Variants in OSTM1 observed in about 807,000 individuals in gnomAD.
OSTM1 encodes the protein osteoclastogenesis associated transmembrane protein 1.
In OSTM1, 26 loss-of-function variants were observed where a neutral mutation model predicts 35.4. The observed-to-expected ratio is 0.73, with a 90% CI of 0.54 to 1.02. The LOEUF is 1.02. Ranked by LOEUF, OSTM1 falls within the 50% of genes least tolerant of loss-of-function variation. OSTM1 has a pLI of 0.00. For synonymous variants in OSTM1, 181 were observed against 165.0 expected (o/e 1.10, Z -0.75); for missense variants, 366 against 409.6 (o/e 0.89, Z 0.92).
At chr6:108,066,958 C>T (rs1772390623) in intron 1 of OSTM1, among the ~76,000 whole-genome samples, 1 of 152,144 alleles carries the variant, frequency 6.6e-6, no homozygotes, top group African/African-American at 2.4e-5. Context: ...TCAAATCTAT[C>T]CTAACTACTT....
chr6:108,057,785 G>A (rs116560660), intron 2 of OSTM1, among the ~76,000 whole-genome samples: 322 of 152,146 alleles, frequency 2.1e-3, no homozygotes, highest in African/African-American at 7.3e-3. Flanking sequence ...TTTCTGAATC[G>A]AAATAACAGA....
chr6:108,059,500 C>A (rs1772235868), intron 2 of OSTM1, among the ~76,000 whole-genome samples: 1 of 152,134 alleles, frequency 6.6e-6, no homozygotes, highest in South Asian at 2.1e-4. Flanking sequence ...GCCTTCCTTT[C>A]ATGAATAATA....
At chr6:108,047,645 T>A (rs532756221) in intron 5 of OSTM1, among the ~76,000 whole-genome samples, 63 of 152,184 alleles carry the variant, frequency 4.1e-4, no homozygotes, top group Non-Finnish European at 6.9e-4. Context: ...TGGGCTAGGG[T>A]TTACCAGTGG....
intron 3 of OSTM1, among the ~76,000 whole-genome samples, chr6:108,053,546 C>A (rs6938614): frequency 0.23 from 35,262 of 152,112 alleles, 4,195 homozygotes; most frequent in Admixed American, 0.26. Flanking sequence ...AGTCTCTCTG[C>A]AACGCCCAGG....
Position 108,064,128 on chromosome 6 carries a change from T to G in OSTM1, c.517+57A>C. ...GATCCCAAAATTCACTAAAATAAAA[T>G]CTGACATCTGTACTACTGAACCATA... is the stretch of plus-strand genomic sequence containing the variant. On this transcript the variant is annotated intron_variant, in intron 2 of 5. Transcript: ENST00000193322. The G allele has an allele frequency of 3.4e-6, 3 of 878,070 alleles. No individual in the cohort carries two copies. The South Asian group carries it at 4.0e-5, about 12-fold the overall frequency. 54.4% of individuals were successfully genotyped at this position (878,070 alleles called of 1,614,324 possible). A position where few individuals can be genotyped will look rare whatever the true frequency, so the allele number is the denominator to read the frequency against.
intron 3 of OSTM1, among the ~76,000 whole-genome samples, chr6:108,051,569 C>A (rs535898455): frequency 6.6e-6 from 1 of 152,272 alleles, no homozygotes; most frequent in East Asian, 1.9e-4. Flanking sequence ...TAAATTATCT[C>A]ATCATCACAA....
chr6:108,046,770 T>A (rs17283933), intron 5 of OSTM1, among the ~76,000 whole-genome samples: 1 of 152,186 alleles, frequency 6.6e-6, no homozygotes, highest in African/African-American at 2.4e-5. Flanking sequence ...AAAATCTACT[T>A]CTTAAGCCTT....
chr6:108,065,907 G>C (rs1252098846), intron 1 of OSTM1, among the ~76,000 whole-genome samples: 1 of 152,216 alleles, frequency 6.6e-6, no homozygotes, highest in African/African-American at 2.4e-5. Context: ...GGTTCAGGAA[G>C]ATATCAATGT....
intron 5 of OSTM1, among the ~76,000 whole-genome samples, chr6:108,047,155 G>A (rs12173470): frequency 0.082 from 12,550 of 152,208 alleles, 950 homozygotes; most frequent in Admixed American, 0.21. Context: ...AAAGAAAGAC[G>A]GCACAGAAGA....
chr6:108,074,200 C>G (rs753811046), intron 1 of OSTM1, 50 bp downstream of exon 1: 4 of 1,589,276 alleles, frequency 2.5e-6, no homozygotes, highest in Non-Finnish European at 3.4e-6. Context: ...ACACCCTCCT[C>G]CTTTCCCAAC....
intron 5 of OSTM1, 100 bp from the exon 6 acceptor site, chr6:108,044,940 A>G (rs1771941200): frequency 3.4e-6 from 2 of 593,096 alleles, no homozygotes; most frequent in East Asian, 3.2e-5. Flanking sequence ...TATTAATTCT[A>G]TGTTTGAATC....
chr6:108,073,889 A>G, intron 1 of OSTM1: 1 of 311,810 alleles, frequency 3.2e-6, no homozygotes, highest in Non-Finnish European at 6.0e-6. Context: ...AACCACTACC[A>G]GTGTCTCCAC....
At chr6:108,048,201 C>A (rs3800220) in intron 5 of OSTM1, among the ~76,000 whole-genome samples, 2 of 152,002 alleles carry the variant, frequency 1.3e-5, no homozygotes, top group African/African-American at 2.4e-5. Context: ...AAGTAGTGAT[C>A]GAAATTTATA....
chr6:108,047,415 C>G (rs1425966341), intron 5 of OSTM1, among the ~76,000 whole-genome samples: 1 of 152,240 alleles, frequency 6.6e-6, no homozygotes, highest in Non-Finnish European at 1.5e-5. Context: ...AGGTCATGTA[C>G]AGCTTGGAGA....
At chr6:108,074,217 G>C (rs1366534260) in intron 1 of OSTM1, 33 bp downstream of exon 1, 2 of 1,607,544 alleles carry the variant, frequency 1.2e-6, no homozygotes, top group South Asian at 2.2e-5. Context: ...CAACTCTCCT[G>C]AGCCACAGTC....
chr6:108,050,027 C>T (rs1348232990), intron 4 of OSTM1, among the ~76,000 whole-genome samples: 1 of 152,060 alleles, frequency 6.6e-6, no homozygotes, highest in African/African-American at 2.4e-5. Flanking sequence ...CATCATAGTG[C>T]CTAAAAAGGC....
At position 108,042,832 on chromosome 6, in the gene OSTM1, T is replaced by C. The variant is rs1256963404; in HGVS notation, c.*1953A>G. 6.6e-6 allele frequency: 1 copy of C among 152,240 alleles called. No homozygotes were observed. Among genetic ancestry groups the C allele is most frequent in the Non-Finnish European group, 1.5e-5 (1 of 68,040 alleles). 9.4% of individuals were successfully genotyped at this position (152,240 alleles called of 1,614,324 possible). On this transcript the variant is annotated 3_prime_UTR_variant, in exon 6 of 6. Coordinates refer to ENST00000193322, the MANE Select transcript of OSTM1 (RefSeq NM_014028.4). ...CCAAATAAAGCTTACAATTTCCTTA[T>C]TTCCTTTATTTTAATGTGTCAAAAA...
At position 108,074,444 on chromosome 6, in the gene OSTM1, G is replaced by A. The variant is rs1331793352; in HGVS notation, c.208C>T (p.Pro70Ser). The change falls in exon 1 of 6, where the codon CCT becomes TCT. Residue 70 changes from proline (P) to serine (S), a missense_variant. Transcript: ENST00000193322. Reference sequence around the variant, plus strand: ...GGCAGGTCCGGGGGCAGCGACAGAGGCCCCAGCCCTCCACCCTGCAGGAGG... The same window carrying A: ...GGCAGGTCCGGGGGCAGCGACAGAGACCCCAGCCCTCCACCCTGCAGGAGG... ...LSLLQGGGLG[P>S]LSLPPDLPDL... 28 of 1,558,110 alleles carry A rather than the reference G, an allele frequency of 1.8e-5. No homozygotes were observed. Among genetic ancestry groups the A allele is most frequent in the Non-Finnish European group, 2.4e-5 (28 of 1,151,324 alleles).
At chr6:108,046,466 C>T (rs1033591910) in intron 5 of OSTM1, among the ~76,000 whole-genome samples, 14 of 150,758 alleles carry the variant, frequency 9.3e-5, no homozygotes, top group Admixed American at 6.6e-4. Context: ...CTCAGCCTCC[C>T]GAGTAGCTGG....
Sources: allele counts gnomAD v4.1 joint callset (sites outside exome capture counted in the v4.1 genomes callset), GRCh38; gene constraint gnomAD v4.1.1; transcripts MANE v1.5; gene names NCBI Gene and HGNC (gene_info 2026-07-23, HGNC 2026-07-21).